Variants in CACNB2 observed in about 807,000 individuals in gnomAD.
CACNB2 encodes voltage-dependent L-type calcium channel subunit beta-2.
A neutral mutation model predicts 73.3 loss-of-function variants in CACNB2; 42 were observed. The observed-to-expected ratio is 0.57, with a 90% CI of 0.45 to 0.74. The LOEUF (loss-of-function observed/expected upper bound fraction) is 0.74, where lower values mean the gene tolerates loss of function less well. Among genes scored for constraint, CACNB2 ranks in the 30% least tolerant of loss-of-function variants. The probability of loss-of-function intolerance (pLI) is 0.00; values close to 1 mark genes in which losing one functional copy is unlikely to be tolerated. For synonymous variants in CACNB2, 348 were observed against 310.3 expected (o/e 1.12, Z -1.28); for missense variants, 940 against 853.0 (o/e 1.10, Z -1.27).
At chr10:18,227,447 G>A (rs189641869) in intron 2 of CACNB2, among the ~76,000 whole-genome samples, 225 of 152,324 alleles carry the variant, frequency 1.5e-3, no homozygotes, top group Admixed American at 6.3e-3. Flanking sequence ...CTGATGGATG[G>A]AAGGAGGAGG....
At position 18,300,968 on chromosome 10, in the gene CACNB2, A is replaced by G. The variant is rs60381463; in HGVS notation, c.214-100956A>G. Among the ~76,000 whole-genome samples the G allele has an allele frequency of 4.1e-3, 622 of 152,332 alleles. 2 individuals carry two copies. The highest frequency in any genetic ancestry group is 0.014 in the African/African-American group (592 of 41,578). ...AAAAGAAAGATAGGATTTCCTAAGG[A>G]CTAGTGTCAGTTCCCAAGAAAATGA... On this transcript the variant is annotated intron_variant, in intron 2 of 13. Coordinates refer to ENST00000324631, the MANE Select transcript of CACNB2 (RefSeq NM_201596.3).
intron 2 of CACNB2, among the ~76,000 whole-genome samples, chr10:18,299,724 A>T (rs935373889): frequency 1.8e-4 from 27 of 151,846 alleles, no homozygotes; most frequent in Admixed American, 1.2e-3. Context: ...AAATAAAAAT[A>T]AAAAAAAACT....
At chr10:18,295,344 C>A (rs1198721909) in intron 2 of CACNB2, among the ~76,000 whole-genome samples, 5 of 152,206 alleles carry the variant, frequency 3.3e-5, no homozygotes, top group Non-Finnish European at 5.9e-5. Flanking sequence ...GCATAGACCC[C>A]TAATGGCTGT....
chr10:18,212,021 C>A (rs1338434491), intron 2 of CACNB2, among the ~76,000 whole-genome samples: 1 of 152,198 alleles, frequency 6.6e-6, no homozygotes, highest in Admixed American at 6.5e-5. Flanking sequence ...GTGTTCACAG[C>A]TGTATCAACA....
intron 4 of CACNB2, chr10:18,498,691 C>T (rs943539755): frequency 4.6e-5 from 25 of 545,524 alleles, no homozygotes; most frequent in Admixed American, 1.2e-4. Flanking sequence ...ATAACTTCAG[C>T]GCTCCCTGGG....
At chr10:18,195,676 A>G (rs2034592900) in intron 2 of CACNB2, among the ~76,000 whole-genome samples, 1 of 152,240 alleles carries the variant, frequency 6.6e-6, no homozygotes. Flanking sequence ...CTGACCAGGC[A>G]GAGATGGCTC....
At chr10:18,191,587 C>T (rs574575099) in intron 2 of CACNB2, among the ~76,000 whole-genome samples, 36 of 152,188 alleles carry the variant, frequency 2.4e-4, no homozygotes, top group East Asian at 9.7e-4. Flanking sequence ...TATCCCTCAC[C>T]GCTTCCCACC....
intron 2 of CACNB2, among the ~76,000 whole-genome samples, chr10:18,355,522 T>A (rs1050068438): frequency 1.3e-5 from 2 of 152,346 alleles, no homozygotes; most frequent in Admixed American, 6.5e-5. Context: ...ATTTAATTTT[T>A]TGATGCTATT....
intron 3 of CACNB2, among the ~76,000 whole-genome samples, chr10:18,479,329 A>G (rs1266399515): frequency 9.2e-5 from 14 of 152,154 alleles, no homozygotes; most frequent in Non-Finnish European, 1.3e-4. Flanking sequence ...CTGTGATCCT[A>G]TCTCTTAACA....
chr10:18,140,726 A>G lies in CACNB2; in HGVS notation c.-11A>G. The G allele has an allele frequency of 6.3e-7, 1 of 1,587,612 alleles. No individual in the cohort carries two copies. The highest frequency in any genetic ancestry group is 1.1e-5 in the South Asian group (1 of 86,992). ...GGGCTGGCTGCTTCGCTCCGAGCCG[A>G]CTTTTCGCCAATGGTCCAAAGGGAC... On this transcript the variant is annotated 5_prime_UTR_variant, in exon 1 of 14. Coordinates refer to ENST00000324631, the MANE Select transcript of CACNB2 (RefSeq NM_201596.3).
rs749814658 is a variant in CACNB2, at chr10:18,381,113, C to G, written c.214-20811C>G. Among the ~76,000 whole-genome samples the G allele has an allele frequency of 5.9e-5, 9 of 151,422 alleles. 1 individual carries two copies. Among genetic ancestry groups the G allele is most frequent in the African/African-American group, 7.3e-5 (3 of 41,130 alleles). ...GATACTAACTGCAGAGACCAAGTCT[C>G]CAGACACAGGGCCAGCTGGGGAAAT... On this transcript the variant is annotated intron_variant, in intron 2 of 13. Coordinates refer to ENST00000324631, the MANE Select transcript of CACNB2 (RefSeq NM_201596.3).
At chr10:18,467,417 G>T (rs1198534096) in intron 3 of CACNB2, among the ~76,000 whole-genome samples, 1 of 152,136 alleles carries the variant, frequency 6.6e-6, no homozygotes, top group Admixed American at 6.5e-5. Context: ...ATTGGTGTCT[G>T]GTGTATGCCA....
At chr10:18,422,739 G>T (rs2045394033) in intron 3 of CACNB2, among the ~76,000 whole-genome samples, 1 of 152,112 alleles carries the variant, frequency 6.6e-6, no homozygotes, top group Admixed American at 6.5e-5. Context: ...TGTCACCCAG[G>T]CTGTAGTATG....
intron 2 of CACNB2, among the ~76,000 whole-genome samples, chr10:18,250,060 C>G: frequency 6.6e-6 from 1 of 152,146 alleles, no homozygotes; most frequent in East Asian, 1.9e-4. Flanking sequence ...TCACACTGGA[C>G]TTCAAAATAT....
chr10:18,470,809 C>T (rs1230524068), intron 3 of CACNB2, among the ~76,000 whole-genome samples: 1 of 152,062 alleles, frequency 6.6e-6, no homozygotes, highest in African/African-American at 2.4e-5. Context: ...GTGGTGGTGT[C>T]AGCAGCAGAA....
chr10:18,459,134 C>T lies in CACNB2; in HGVS notation c.334-39221C>T, dbSNP rs536354477. On this transcript the variant is annotated intron_variant, in intron 3 of 13. Coordinates refer to ENST00000324631, the MANE Select transcript of CACNB2 (RefSeq NM_201596.3). ...TGTTGATAGCTCAACATTGAAGATA[C>T]TATGAATTTTTAGTTAAAAATTTTA... Among the ~76,000 whole-genome samples, 29 of 152,226 alleles carry T rather than the reference C, an allele frequency of 1.9e-4. 2 individuals carry two copies. The Middle Eastern group carries it at 0.048, about 250-fold the overall frequency.
intron 1 of CACNB2, among the ~76,000 whole-genome samples, chr10:18,147,804 T>C (rs557890947): frequency 6.6e-6 from 1 of 152,306 alleles, no homozygotes; most frequent in East Asian, 1.9e-4. Context: ...CCTTCACTTT[T>C]TTCCCCCCTT....
chr10:18,493,209 C>T (rs901650420), intron 3 of CACNB2, among the ~76,000 whole-genome samples: 1 of 152,156 alleles, frequency 6.6e-6, no homozygotes, highest in Non-Finnish European at 1.5e-5. Context: ...CGCTCTGTTG[C>T]CCAGGCTAGA....
chr10:18,355,639 TTTTTTTTA>T (rs1267194303), intron 2 of CACNB2, among the ~76,000 whole-genome samples: 2 of 151,384 alleles, frequency 1.3e-5, no homozygotes, highest in African/African-American at 4.9e-5. Flanking sequence ...TCTTTTTTTT[TTTTTTTTA>T]TTTTTTTGAG....
Sources: allele counts gnomAD v4.1 joint callset (sites outside exome capture counted in the v4.1 genomes callset), GRCh38; gene constraint gnomAD v4.1.1; transcripts MANE v1.5; gene names NCBI Gene and HGNC (gene_info 2026-07-23, HGNC 2026-07-21).